COL4A1: variants seen among roughly 807,000 people sequenced by gnomAD.
The protein encoded by COL4A1 is collagen alpha-1(IV) chain.
In COL4A1, 40 loss-of-function variants were observed where a neutral mutation model predicts 216.6. The observed-to-expected ratio is 0.18, with a 90% CI of 0.14 to 0.24. COL4A1 has a LOEUF of 0.24. Ranked by LOEUF, COL4A1 falls within the 10% of genes least tolerant of loss-of-function variation. The pLI, the probability that COL4A1 is intolerant of heterozygous loss-of-function variation, is 1.00. For synonymous variants in COL4A1, 839 were observed against 810.7 expected (o/e 1.03, Z -0.59); for missense variants, 1,628 against 2,196.8 (o/e 0.74, Z 5.18).
At chr13:110,249,836 T>C (rs904218862) in intron 1 of COL4A1, among the ~76,000 whole-genome samples, 2 of 152,214 alleles carry the variant, frequency 1.3e-5, no homozygotes, top group Non-Finnish European at 2.9e-5. Flanking sequence ...AATAATGATT[T>C]CTTAAAAGCT....
chr13:110,191,406 A>G (rs1878619935), intron 24 of COL4A1: 1 of 362,948 alleles, frequency 2.8e-6, no homozygotes, highest in Non-Finnish European at 4.9e-6. Context: ...CCATGCTCGC[A>G]AAGCTCAGAA....
intron 1 of COL4A1, among the ~76,000 whole-genome samples, chr13:110,245,413 C>T (rs1881754818): frequency 6.6e-6 from 1 of 152,216 alleles, no homozygotes; most frequent in South Asian, 2.1e-4. Context: ...CAGGCTAAGT[C>T]TCATGTATCT....
At chr13:110,275,808 C>G (rs1388048872) in intron 1 of COL4A1, among the ~76,000 whole-genome samples, 1 of 152,084 alleles carries the variant, frequency 6.6e-6, no homozygotes, top group Non-Finnish European at 1.5e-5. Flanking sequence ...AGTCTACATA[C>G]CATACGATTC....
At chr13:110,200,610 C>A (rs1451211252) in intron 20 of COL4A1, among the ~76,000 whole-genome samples, 1 of 152,150 alleles carries the variant, frequency 6.6e-6, no homozygotes, top group Non-Finnish European at 1.5e-5. Context: ...CAGAATAGAT[C>A]TGGATCCCCA....
chr13:110,288,790 T>G (rs949753353), intron 1 of COL4A1, among the ~76,000 whole-genome samples: 1 of 152,060 alleles, frequency 6.6e-6, no homozygotes, highest in Admixed American at 6.6e-5. Context: ...TCCCAGCACT[T>G]TGGGAGGCTG....
At chr13:110,199,120 T>A (rs933539950) in intron 20 of COL4A1, among the ~76,000 whole-genome samples, 3 of 152,178 alleles carry the variant, frequency 2.0e-5, no homozygotes, top group Non-Finnish European at 4.4e-5. Context: ...GGTGTGAACA[T>A]ATCAGGTCAG....
chr13:110,301,416 C>A (rs986819060), intron 1 of COL4A1, among the ~76,000 whole-genome samples: 3 of 152,206 alleles, frequency 2.0e-5, no homozygotes, highest in Admixed American at 2.0e-4. Flanking sequence ...TAACTCCAAG[C>A]CATGTGGCAG....
At position 110,213,423 on chromosome 13, in the gene COL4A1, T is replaced by G. The variant is rs78866850; in HGVS notation, c.279+359A>C. ...CTGGCTCTGAAAATACCATGACTTT[T>G]CCATTAAATGAAGTCATCTCTGTCT... On this transcript the variant is annotated intron_variant, in intron 4 of 51. Transcript: ENST00000375820. Among the ~76,000 whole-genome samples the G allele has an allele frequency of 2.1e-3, 317 of 152,290 alleles. 2 individuals carry two copies. The highest frequency in any genetic ancestry group is 7.1e-3 in the African/African-American group (297 of 41,560).
At chr13:110,259,749 A>G (rs1329597722) in intron 1 of COL4A1, among the ~76,000 whole-genome samples, 1 of 152,252 alleles carries the variant, frequency 6.6e-6, no homozygotes, top group Non-Finnish European at 1.5e-5. Flanking sequence ...TAATTTAATT[A>G]TATTAATTTA....
At chr13:110,238,147 A>G (rs1400552901) in intron 2 of COL4A1, among the ~76,000 whole-genome samples, 1 of 152,228 alleles carries the variant, frequency 6.6e-6, no homozygotes, top group Non-Finnish European at 1.5e-5. Context: ...ATTAGTAATA[A>G]CAGGATAATG....
intron 2 of COL4A1, among the ~76,000 whole-genome samples, chr13:110,237,274 T>C (rs1265115357): frequency 6.6e-6 from 1 of 152,084 alleles, no homozygotes; most frequent in African/African-American, 2.4e-5. Context: ...TCTGAAGGAG[T>C]AGAAACTGAG....
At chr13:110,261,380 T>C (rs1882819137) in intron 1 of COL4A1, among the ~76,000 whole-genome samples, 1 of 152,184 alleles carries the variant, frequency 6.6e-6, no homozygotes, top group South Asian at 2.1e-4. Flanking sequence ...CCTTTCCACC[T>C]CTCGGATTTG....
chr13:110,202,607 C>G lies in COL4A1; in HGVS notation c.999+959G>C, dbSNP rs1039194619. The stretch of plus-strand genomic sequence containing the variant: ...TGTGAACGCATTACCTGTGGCACTG[C>G]AAGGAAGGCAGCAAAGGAGAGAACG... On this transcript the variant is annotated intron_variant, in intron 18 of 51. Transcript: ENST00000375820. 5.9e-5 allele frequency among the ~76,000 whole-genome samples: 9 copies of G among 152,096 alleles called. No homozygotes were observed. The East Asian group carries it at 1.7e-3, about 29-fold the overall frequency.
chr13:110,178,316 T>C, intron 31 of COL4A1, 85 bp from the exon 32 acceptor site: 1 of 1,572,584 alleles, frequency 6.4e-7, no homozygotes, highest in Middle Eastern at 2.3e-4. Flanking sequence ...ACTATGACTT[T>C]CTGCAGAAAG....
At chr13:110,241,702 T>G (rs1881576083) in intron 2 of COL4A1, among the ~76,000 whole-genome samples, 1 of 152,332 alleles carries the variant, frequency 6.6e-6, no homozygotes, top group African/African-American at 2.4e-5. Flanking sequence ...ATCAGGCATA[T>G]TTTTTAAAAT....
chr13:110,297,581 C>T (rs546845608), intron 1 of COL4A1, among the ~76,000 whole-genome samples: 3 of 152,126 alleles, frequency 2.0e-5, no homozygotes, highest in African/African-American at 7.2e-5. Context: ...AATTCAAATC[C>T]ATCTCATCTG....
chr13:110,228,146 C>T (rs931078195), intron 2 of COL4A1, among the ~76,000 whole-genome samples: 2 of 150,534 alleles, frequency 1.3e-5, no homozygotes, highest in African/African-American at 4.9e-5. Flanking sequence ...TGCCAAGCCA[C>T]GTGCTTCTGC....
At chr13:110,262,446 C>G (rs940674682) in intron 1 of COL4A1, among the ~76,000 whole-genome samples, 1 of 152,236 alleles carries the variant, frequency 6.6e-6, no homozygotes, top group Non-Finnish European at 1.5e-5. Context: ...TAGAGCAAAT[C>G]AGAAGGCAAA....
chr13:110,232,518 T>C (rs1193703138), intron 2 of COL4A1, among the ~76,000 whole-genome samples: 5 of 152,206 alleles, frequency 3.3e-5, no homozygotes, highest in Admixed American at 6.5e-5. Flanking sequence ...TCAGGGTTTG[T>C]TTTATGTTAA....
Sources: allele counts gnomAD v4.1 joint callset (sites outside exome capture counted in the v4.1 genomes callset), GRCh38; gene constraint gnomAD v4.1.1; transcripts MANE v1.5; gene names NCBI Gene and HGNC (gene_info 2026-07-23, HGNC 2026-07-21).